Variants in ELAPOR2 observed in about 807,000 individuals in gnomAD.
ELAPOR2 encodes the protein endosome/lysosome-associated apoptosis and autophagy regulator family member 2.
A neutral mutation model predicts 120.7 loss-of-function variants in ELAPOR2; 89 were observed. The ratio of observed to expected loss-of-function variants is 0.74; its 90% CI spans 0.62 to 0.88. ELAPOR2 has a LOEUF of 0.88. Ranked by LOEUF, ELAPOR2 falls within the 40% of genes least tolerant of loss-of-function variation. The probability of loss-of-function intolerance (pLI) is 0.00; values close to 1 mark genes in which losing one functional copy is unlikely to be tolerated. For missense variants in ELAPOR2, 1,134 were observed against 1,251.6 expected (o/e 0.91, Z 1.42); for synonymous variants, 444 against 444.9 (o/e 1.00, Z 0.03).
Position 86,893,104 on chromosome 7 carries a change from T to TA in ELAPOR2, c.2686-5dup, listed in dbSNP as rs112693552. ...CATTCCACACATACAAGGTTTCCTTTAAAAAAAAAAACATAAAACCATAGA... is the reference window on the plus strand; with the variant it reads ...CATTCCACACATACAAGGTTTCCTTTAAAAAAAAAAAACATAAAACCATAGA... On this transcript the variant is annotated splice_region_variant and splice_polypyrimidine_tract_variant and intron_variant, in intron 19 of 21. Transcript: ENST00000450689. 55,604 of 1,046,776 alleles carry TA rather than the reference T, an allele frequency of 0.053. 9 individuals are homozygous for TA. The highest frequency in any genetic ancestry group is 0.077 in the South Asian group (3,636 of 47,242). 64.8% of individuals were successfully genotyped at this position (1,046,776 alleles called of 1,614,324 possible).
intron 2 of ELAPOR2, among the ~76,000 whole-genome samples, chr7:86,953,476 C>T (rs1791349661): frequency 6.6e-6 from 1 of 152,210 alleles, no homozygotes; most frequent in African/African-American, 2.4e-5. Context: ...ATCCTAGCCT[C>T]ATCCACTCTC....
At chr7:87,029,219 G>T (rs1486701217) in intron 1 of ELAPOR2, among the ~76,000 whole-genome samples, 2 of 152,136 alleles carry the variant, frequency 1.3e-5, no homozygotes, top group Admixed American at 6.6e-5. Context: ...AACTAGGCCA[G>T]GGGTAAACAT....
intron 8 of ELAPOR2, among the ~76,000 whole-genome samples, chr7:86,931,416 A>G (rs1019349236): frequency 2.6e-5 from 4 of 151,906 alleles, no homozygotes; most frequent in South Asian, 2.1e-4. Context: ...AAAACATCAC[A>G]AAGATGATCA....
chr7:86,892,840 T>C, intron 20 of ELAPOR2, 82 bp downstream of exon 20: 1 of 1,230,056 alleles, frequency 8.1e-7, no homozygotes, highest in Non-Finnish European at 1.1e-6. Context: ...AATCTATTTA[T>C]TGGATATAAT....
chr7:86,982,857 G>A (rs1017714744), intron 1 of ELAPOR2, among the ~76,000 whole-genome samples: 1 of 152,176 alleles, frequency 6.6e-6, no homozygotes, highest in Non-Finnish European at 1.5e-5. Flanking sequence ...GACAGAAGTA[G>A]GCTTCAGAAG....
At chr7:86,976,740 A>T (rs1792295438) in intron 1 of ELAPOR2, among the ~76,000 whole-genome samples, 1 of 152,232 alleles carries the variant, frequency 6.6e-6, no homozygotes, top group African/African-American at 2.4e-5. Context: ...GATTCACAAC[A>T]TAATATTAAA....
chr7:86,977,154 T>A (rs1038932148), intron 1 of ELAPOR2, among the ~76,000 whole-genome samples: 14 of 152,230 alleles, frequency 9.2e-5, no homozygotes, highest in African/African-American at 3.4e-4. Flanking sequence ...TCAATCATTG[T>A]GCTAAGTTCA....
rs1310159768 is a variant in ELAPOR2, at chr7:86,879,865, A to G, written c.*606T>C. On this transcript the variant is annotated 3_prime_UTR_variant, in exon 22 of 22. Transcript: ENST00000450689. ...GAATTTCAAAGGCAATTATAAATCT[A>G]GATAACCCAAGCACATGCTAACTCT... 1 of 152,236 alleles carries G rather than the reference A, an allele frequency of 6.6e-6. No homozygotes were observed. The highest frequency in any genetic ancestry group is 6.5e-5 in the Admixed American group (1 of 15,274). The allele number at this position is 152,236 out of a possible 1,614,324, so 9.4% of individuals were successfully genotyped here.
chr7:87,040,971 A>G (rs1392485037), intron 1 of ELAPOR2, among the ~76,000 whole-genome samples: 2 of 152,084 alleles, frequency 1.3e-5, no homozygotes, highest in Admixed American at 6.5e-5. Flanking sequence ...AGAATGGAGA[A>G]GCCTCAGGAG....
chr7:86,913,595 T>C (rs944989944), intron 13 of ELAPOR2, among the ~76,000 whole-genome samples: 2 of 152,158 alleles, frequency 1.3e-5, no homozygotes, highest in African/African-American at 4.8e-5. Flanking sequence ...AGGTTGAAAG[T>C]GCGGCAGGGT....
chr7:87,052,767 G>T (rs1308337758), intron 1 of ELAPOR2, among the ~76,000 whole-genome samples: 1 of 102,710 alleles, frequency 9.7e-6, no homozygotes, highest in Non-Finnish European at 2.3e-5. Flanking sequence ...TGATCACAGG[G>T]TTTGTTTTCT....
chr7:86,997,574 T>C lies in ELAPOR2; in HGVS notation c.190-32550A>G, dbSNP rs1793166528. On this transcript the variant is annotated intron_variant, in intron 1 of 21. Transcript: ENST00000450689. ...AAGCAATTCAACTGGCATGGGAAGA[T>C]GTAGAGCCATTAATAACACCTTCAC... Among the ~76,000 whole-genome samples, 3 of 152,194 alleles carry C rather than the reference T, an allele frequency of 2.0e-5. No individual in the cohort carries two copies. In the South Asian group the frequency reaches 6.2e-4, roughly 32 times the overall value.
chr7:87,036,946 A>C (rs1364012171), intron 1 of ELAPOR2, among the ~76,000 whole-genome samples: 1 of 152,194 alleles, frequency 6.6e-6, no homozygotes, highest in Non-Finnish European at 1.5e-5. Flanking sequence ...AATTAAAATA[A>C]GAAAACACCC....
At chr7:86,939,100 A>G in intron 6 of ELAPOR2, 140 bp from the exon 7 acceptor site, 1 of 816,650 alleles carries the variant, frequency 1.2e-6, no homozygotes, top group Non-Finnish European at 1.9e-6. Context: ...TTATTCATCC[A>G]GCACTAAGAA....
chr7:87,022,686 G>T (rs1316958517), intron 1 of ELAPOR2, among the ~76,000 whole-genome samples: 1 of 151,346 alleles, frequency 6.6e-6, no homozygotes, highest in Non-Finnish European at 1.5e-5. Context: ...CTAGTTTACA[G>T]TCCCACCAAC....
chr7:87,024,925 A>C (rs1794193903), intron 1 of ELAPOR2, among the ~76,000 whole-genome samples: 1 of 152,048 alleles, frequency 6.6e-6, no homozygotes, highest in Admixed American at 6.6e-5. Flanking sequence ...TATTTTTTAA[A>C]ATAAAAAGCA....
intron 1 of ELAPOR2, among the ~76,000 whole-genome samples, chr7:87,011,655 C>T (rs1793684213): frequency 6.6e-6 from 1 of 152,174 alleles, no homozygotes; most frequent in Non-Finnish European, 1.5e-5. Context: ...TGGGAGCTTT[C>T]ACAGAAGCAC....
intron 2 of ELAPOR2, among the ~76,000 whole-genome samples, chr7:86,948,597 C>T (rs1791102811): frequency 6.6e-6 from 1 of 151,950 alleles, no homozygotes; most frequent in African/African-American, 2.4e-5. Context: ...ACCATGAGCC[C>T]ACTTTTTCAA....
intron 1 of ELAPOR2, among the ~76,000 whole-genome samples, chr7:87,025,089 C>T (rs954348892): frequency 1.3e-5 from 2 of 151,676 alleles, no homozygotes; most frequent in African/African-American, 4.8e-5. Flanking sequence ...TTATAGAAGG[C>T]TAAGACATTC....
Sources: allele counts gnomAD v4.1 joint callset (sites outside exome capture counted in the v4.1 genomes callset), GRCh38; gene constraint gnomAD v4.1.1; transcripts MANE v1.5; gene names NCBI Gene and HGNC (gene_info 2026-07-23, HGNC 2026-07-21).